CHLSN: variants seen among roughly 807,000 people sequenced by gnomAD.
CHLSN encodes the protein cholesin, also known as protein cholesin.
At chr7:1,044,369 C>T in the CHLSN span, among the ~76,000 whole-genome samples, 1 of 152,266 alleles carries the variant, frequency 6.6e-6, no homozygotes, top group Non-Finnish European at 1.5e-5. Flanking sequence ...AATGGCTGGT[C>T]TCAGGTTACA....
the CHLSN span, chr7:1,092,490 G>T: frequency 6.2e-7 from 1 of 1,607,484 alleles, no homozygotes; most frequent in Non-Finnish European, 8.5e-7. Context: ...GGCCCCGGCG[G>T]CAGAAGGCGC....
chr7:1,085,406 TC>T, the CHLSN span, among the ~76,000 whole-genome samples: 1 of 152,108 alleles, frequency 6.6e-6, no homozygotes, highest in East Asian at 1.9e-4. Context: ...CCCTCCCAGA[TC>T]TGCTCCTGGC....
the CHLSN span, chr7:1,056,260 G>C: frequency 1.3e-5 from 2 of 152,928 alleles, no homozygotes; most frequent in African/African-American, 4.8e-5. Context: ...TGAGAAGCAG[G>C]GGCCAGGGAG....
At chr7:1,110,069 C>G in the CHLSN span, among the ~76,000 whole-genome samples, 4 of 151,972 alleles carry the variant, frequency 2.6e-5, no homozygotes, top group Non-Finnish European at 4.4e-5. Flanking sequence ...ACGGAGGCTA[C>G]GCAAATCTGC....
At chr7:1,002,760 TGGGG>T in the CHLSN span, among the ~76,000 whole-genome samples, 1 of 63,254 alleles carries the variant, frequency 1.6e-5, no homozygotes, top group African/African-American at 7.1e-5. Context: ...GTCCTGTGGG[TGGGG>T]AGTCCTTGGG....
the CHLSN span, among the ~76,000 whole-genome samples, chr7:1,008,459 AC>A: frequency 7.2e-5 from 11 of 152,164 alleles, no homozygotes; most frequent in Admixed American, 6.5e-4. Context: ...AGCCCTGGGC[AC>A]CTGGCCTCAG....
At chr7:1,066,087 G>A in the CHLSN span, among the ~76,000 whole-genome samples, 10 of 152,344 alleles carry the variant, frequency 6.6e-5, no homozygotes, top group East Asian at 3.9e-4. Context: ...ACGACTCGGT[G>A]AGTTCCCGCC....
At chr7:1,129,413 G>A in the CHLSN span, among the ~76,000 whole-genome samples, 3 of 74,982 alleles carry the variant, frequency 4.0e-5, no homozygotes, top group South Asian at 5.2e-4. Context: ...GTGCAGTGGC[G>A]CCATCTCGGC....
chr7:1,072,619 G>A, the CHLSN span, among the ~76,000 whole-genome samples: 1 of 152,048 alleles, frequency 6.6e-6, no homozygotes, highest in Admixed American at 6.5e-5. Flanking sequence ...CCGCCAGCTA[G>A]GCCTGCAGCC....
At chr7:986,749 G>A in the CHLSN span, 7,606 of 1,605,546 alleles carry the variant, frequency 4.7e-3, 275 homozygotes, top group African/African-American at 0.084. Flanking sequence ...ACGTGTGCCC[G>A]GGGGACCCCG....
At chr7:1,065,736 A>G in the CHLSN span, among the ~76,000 whole-genome samples, 16,505 of 152,220 alleles carry the variant, frequency 0.11, 1,193 homozygotes, top group Middle Eastern at 0.25. Flanking sequence ...CTGTCAGAAC[A>G]CGCCAGGGTG....
the CHLSN span, chr7:1,058,535 G>A: frequency 6.5e-6 from 5 of 768,972 alleles, no homozygotes; most frequent in Admixed American, 6.9e-5. Context: ...AGCCCTCCTG[G>A]GGAGACGTGA....
chr7:1,019,211 A>AGG, the CHLSN span, among the ~76,000 whole-genome samples: 32 of 43,686 alleles, frequency 7.3e-4, no homozygotes, highest in Non-Finnish European at 8.7e-4. Context: ...AAAAAAAAAA[A>AGG]CGGGGGGGGG....
the CHLSN span, chr7:1,092,295 G>T: frequency 6.2e-7 from 1 of 1,611,682 alleles, no homozygotes; most frequent in African/African-American, 1.3e-5. Flanking sequence ...TGTCAGCCAC[G>T]CTGGTGCCCT....
At chr7:1,027,666 C>T in the CHLSN span, among the ~76,000 whole-genome samples, 1 of 152,276 alleles carries the variant, frequency 6.6e-6, no homozygotes, top group East Asian at 1.9e-4. Flanking sequence ...GACACAGCTT[C>T]GCACTAGCAC....
chr7:986,408 T>C, the CHLSN span: 1 of 599,874 alleles, frequency 1.7e-6, no homozygotes, highest in Non-Finnish European at 3.0e-6. Flanking sequence ...TGTGCAAACC[T>C]GCCTGGCTGT....
the CHLSN span, among the ~76,000 whole-genome samples, chr7:1,043,049 C>T: frequency 1.8e-4 from 27 of 150,134 alleles, no homozygotes; most frequent in African/African-American, 6.4e-4. Context: ...GTCAGGAGTT[C>T]GAGACCAGCC....
chr7:1,019,902 T>C, the CHLSN span, among the ~76,000 whole-genome samples: 2 of 152,238 alleles, frequency 1.3e-5, no homozygotes, highest in African/African-American at 4.8e-5. Context: ...CCGCAGGCAC[T>C]GACCGCGGCC....
At chr7:1,016,552 C>G in the CHLSN span, among the ~76,000 whole-genome samples, 1 of 115,408 alleles carries the variant, frequency 8.7e-6, no homozygotes, top group African/African-American at 4.0e-5. Flanking sequence ...CGCACGCCAG[C>G]GCACAGCAGC....
Sources: allele counts gnomAD v4.1 joint callset (sites outside exome capture counted in the v4.1 genomes callset), GRCh38; gene constraint gnomAD v4.1.1; transcripts MANE v1.5; gene names NCBI Gene and HGNC (gene_info 2026-07-23, HGNC 2026-07-21).